The following TOMT variants were observed in gnomAD, a reference collection of about 807,000 sequenced individuals.
TOMT encodes transmembrane O-methyltransferase.
Under a neutral mutation model 21.7 loss-of-function variants are expected in TOMT, and 23 were observed. The observed-to-expected ratio is 1.06, with a 90% CI of 0.76 to 1.50. TOMT has a LOEUF of 1.50. Among genes scored for constraint, TOMT ranks in the 40% most tolerant of loss-of-function variants. The pLI is 0.00. For missense variants in TOMT, 331 were observed against 348.7 expected, an observed-to-expected ratio of 0.95 and a Z score of 0.41; for synonymous variants, 132 against 150.8, an observed-to-expected ratio of 0.88 and a Z score of 0.91.
chr11:72,109,143 G>A (rs1234907011), exon 3 of TOMT: 1 of 565,584 alleles, frequency 1.8e-6, no homozygotes, highest in Non-Finnish European at 3.2e-6. Context: ...TCTTTCCAGA[G>A]AGAACCATGG....
chr11:72,107,880 A>G, intron 1 of TOMT, 43 bp from the exon 2 acceptor site: 5 of 1,548,716 alleles, frequency 3.2e-6, no homozygotes, highest in Non-Finnish European at 4.4e-6. Context: ...GGGGCCCTGC[A>G]TCCATCTCCC....
Position 72,107,916 on chromosome 11 carries a change from C to A in TOMT, c.260-7C>A, listed in dbSNP as rs1945854994. On this transcript the variant is annotated splice_polypyrimidine_tract_variant and splice_region_variant and intron_variant, in intron 1 of 2. Transcript: ENST00000541899. Reference sequence around the variant, plus strand: ...ATGTCTTCTGCAACAGCCATCTCCCCTCATAGGTCAGATCCTGATGCGGCT... The same window carrying A: ...ATGTCTTCTGCAACAGCCATCTCCCATCATAGGTCAGATCCTGATGCGGCT... The A allele has an allele frequency of 6.4e-7, 1 of 1,551,612 alleles. No homozygotes were observed. Among genetic ancestry groups the A allele is most frequent in the Non-Finnish European group, 8.7e-7 (1 of 1,146,990 alleles).
chr11:72,106,027 T>C (rs1227791181), exon 1 of TOMT: 3 of 1,551,096 alleles, frequency 1.9e-6, no homozygotes, highest in South Asian at 2.4e-5. Flanking sequence ...CTACTTCCGA[T>C]TGCTGGTGCG....
chr11:72,108,869 G>A (rs775803008), exon 3 of TOMT: 4 of 1,550,314 alleles, frequency 2.6e-6, no homozygotes, highest in Admixed American at 3.9e-5. Flanking sequence ...TGGCCTTCCA[G>A]ACTTCCCTGC....
Position 72,108,900 on chromosome 11 carries a change from AGCTCACCTATGCTG to A in TOMT, c.754_767del (p.Leu252ThrfsTer12). 6.5e-7 allele frequency: 1 copy of A among 1,547,294 alleles called. No homozygotes were observed. The highest frequency in any genetic ancestry group is 8.7e-7 in the Non-Finnish European group (1 of 1,145,160). Reference sequence around the variant, plus strand: ...CCTGCCATCAAGGATGGAATAGCTCAGCTCACCTATGCTGGACCAGGCTGAGGTCCAGGCCCAGG... The same window carrying A: ...CCTGCCATCAAGGATGGAATAGCTCAGACCAGGCTGAGGTCCAGGCCCAGG... On this transcript the variant is annotated frameshift_variant, in exon 3 of 3. Coordinates refer to ENST00000541899, the Ensembl canonical transcript of TOMT. LOFTEE classifies it high-confidence loss of function.
At chr11:72,106,798 A>C (rs1945726707) in intron 1 of TOMT, 1 of 152,248 alleles carries the variant, frequency 6.6e-6, no homozygotes, top group South Asian at 2.1e-4. Flanking sequence ...AAAATTACCC[A>C]GGCATGGTGG....
At chr11:72,107,754 A>G in intron 1 of TOMT, 169 bp from the exon 2 acceptor site, 1 of 676,278 alleles carries the variant, frequency 1.5e-6, no homozygotes, top group Non-Finnish European at 2.6e-6. Flanking sequence ...TGAAGACTAC[A>G]CTGTAGGAGA....
downstream of TOMT, chr11:72,109,596 A>T: frequency 1.8e-6 from 1 of 549,486 alleles, no homozygotes; most frequent in Non-Finnish European, 3.3e-6. Flanking sequence ...GTGGAAAATC[A>T]CTCCTTTGTC....
At chr11:72,108,283 C>T (rs971387816) in intron 2 of TOMT, among the ~76,000 whole-genome samples, 164 bp downstream of exon 2, 5 of 152,200 alleles carry the variant, frequency 3.3e-5, no homozygotes, top group Admixed American at 1.3e-4. Context: ...AAGTCATCTG[C>T]ACATTATTTT....
At chr11:72,107,583 G>A (rs564335973) in intron 1 of TOMT, 19 of 698,974 alleles carry the variant, frequency 2.7e-5, no homozygotes, top group South Asian at 2.7e-4. Context: ...CAGGCCACAG[G>A]TGGGAAGTAC....
intron 1 of TOMT, chr11:72,106,455 G>T: frequency 2.5e-6 from 1 of 405,150 alleles, no homozygotes; most frequent in Non-Finnish European, 4.4e-6. Context: ...CCACAGAGAT[G>T]AATGAGCCAC....
intron 1 of TOMT, 176 bp downstream of exon 1, chr11:72,106,386 A>G: frequency 1.5e-6 from 1 of 645,850 alleles, no homozygotes; most frequent in South Asian, 3.4e-5. Context: ...TTCAGCAAAC[A>G]TTTATTGCCA....
chr11:72,108,067 C>G lies in TOMT; in HGVS notation c.404C>G (p.Thr135Arg). 2 of 1,542,700 alleles carry G rather than the reference C, an allele frequency of 1.3e-6. No homozygotes were observed. Among genetic ancestry groups the G allele is most frequent in the South Asian group, 1.2e-5 (1 of 83,528 alleles). The change falls in exon 2 of 3, where the codon ACG becomes AGG. Residue 135 changes from threonine (T) to arginine (R), a missense_variant. Coordinates refer to ENST00000541899, the Ensembl canonical transcript of TOMT. ...CTTACTGTGGAGCGGGACCCACGCA[C>G]GGCAGCAGTGGCTGAAAAACTCATC...
chr11:72,108,200 T>C (rs1176430682), intron 2 of TOMT, 81 bp downstream of exon 2: 9 of 1,286,698 alleles, frequency 7.0e-6, no homozygotes. Flanking sequence ...GACTCCCATC[T>C]AAGGAGAAGG....
chr11:72,108,635 G>A (rs1369599724), exon 3 of TOMT: 7 of 1,495,616 alleles, frequency 4.7e-6, no homozygotes, highest in African/African-American at 1.4e-5. Context: ...CTCAGAGGAC[G>A]TGATCCCGTG....
chr11:72,106,308 T>G, intron 1 of TOMT, 98 bp downstream of exon 1: 4 of 1,299,726 alleles, frequency 3.1e-6, no homozygotes, highest in Non-Finnish European at 4.0e-6. Flanking sequence ...TTGGGCAGGT[T>G]CTTGATCCTC....
chr11:72,109,583 TG>T (rs1464161017), downstream of TOMT: 1 of 523,562 alleles, frequency 1.9e-6, no homozygotes, highest in Non-Finnish European at 3.5e-6. Flanking sequence ...GGAATAGACA[TG>T]GGTGGAAAAT....
chr11:72,108,187 A>T, intron 2 of TOMT, 68 bp downstream of exon 2: 1 of 1,362,466 alleles, frequency 7.3e-7, no homozygotes, highest in Non-Finnish European at 9.8e-7. Context: ...ATCCCTTGTG[A>T]AGGACTCCCA....
chr11:72,106,108 G>A lies in TOMT; in HGVS notation c.157G>A (p.Val53Met), dbSNP rs770566557. 43 of 1,548,506 alleles carry A rather than the reference G, an allele frequency of 2.8e-5. No individual in the cohort carries two copies. The highest frequency in any genetic ancestry group is 3.0e-5 in the Non-Finnish European group (34 of 1,146,774). Reference sequence around the variant, plus strand: ...GATCGAGGAGCGGGCCTTCAGCTACGTGCTCACCCATGCCCTGCCCGGTGA... The same window carrying A: ...GATCGAGGAGCGGGCCTTCAGCTACATGCTCACCCATGCCCTGCCCGGTGA... Residue 53 changes from valine (V) to methionine (M), a missense_variant, in exon 1 of 3, where the codon GTG (valine) becomes ATG (methionine). Val to Met is a conservative substitution (Grantham distance 21). Coordinates refer to ENST00000541899, the Ensembl canonical transcript of TOMT.
Sources: gnomAD v4.1 joint callset for allele counts (sites outside exome capture counted in the v4.1 genomes callset) on GRCh38, gnomAD v4.1.1 for gene constraint, MANE v1.5 for transcripts, NCBI Gene and HGNC (gene_info 2026-07-23, HGNC 2026-07-21) for gene names.